KCNB2: variants seen among roughly 807,000 people sequenced by gnomAD.
The protein encoded by KCNB2 is delayed rectifier potassium channel protein.
A neutral mutation model predicts 61.5 loss-of-function variants in KCNB2; 15 were observed. The ratio of observed to expected loss-of-function variants is 0.24; its 90% CI spans 0.16 to 0.38. The LOEUF (loss-of-function observed/expected upper bound fraction) is 0.38. Ranked by LOEUF, KCNB2 falls within the 10% of genes least tolerant of loss-of-function variation. The pLI is 1.00. For synonymous variants in KCNB2, 457 were observed against 446.0 expected (o/e 1.02, Z -0.31); for missense variants, 828 against 1,125.2 (o/e 0.74, Z 3.78).
intron 2 of KCNB2, among the ~76,000 whole-genome samples, chr8:72,847,776 C>T (rs1007815274): frequency 2.0e-5 from 3 of 152,254 alleles, no homozygotes; most frequent in Non-Finnish European, 2.9e-5. Flanking sequence ...CAAATATATT[C>T]ACCATAATAT....
chr8:72,682,875 G>A (rs1440305187), intron 2 of KCNB2, among the ~76,000 whole-genome samples: 1 of 152,138 alleles, frequency 6.6e-6, no homozygotes, highest in African/African-American at 2.4e-5. Flanking sequence ...CCAAAGTGCT[G>A]GAATTATAGG....
intron 2 of KCNB2, among the ~76,000 whole-genome samples, chr8:72,773,310 C>T (rs2255511): frequency 0.35 from 52,609 of 152,028 alleles, 9,535 homozygotes; most frequent in African/African-American, 0.45. Flanking sequence ...TGTCTTCCCC[C>T]ATGTGGTGAA....
chr8:72,840,389 A>G (rs1191392149), intron 2 of KCNB2, among the ~76,000 whole-genome samples: 1 of 152,184 alleles, frequency 6.6e-6, no homozygotes, highest in Non-Finnish European at 1.5e-5. Flanking sequence ...ATGTGTCTTT[A>G]TAGTAGAATG....
intron 2 of KCNB2, among the ~76,000 whole-genome samples, chr8:72,715,150 G>A (rs1403195077): frequency 6.6e-6 from 1 of 152,176 alleles, no homozygotes; most frequent in Non-Finnish European, 1.5e-5. Flanking sequence ...GGAGCACGCA[G>A]ATTCGTAAAG....
intron 2 of KCNB2, among the ~76,000 whole-genome samples, chr8:72,848,873 G>A (rs187818298): frequency 6.6e-6 from 1 of 151,678 alleles, no homozygotes; most frequent in Non-Finnish European, 1.5e-5. Flanking sequence ...CTACCGTCAA[G>A]GAGCTTACAA....
chr8:72,558,602 A>G (rs1806463405), intron 1 of KCNB2, among the ~76,000 whole-genome samples: 1 of 152,192 alleles, frequency 6.6e-6, no homozygotes, highest in Admixed American at 6.5e-5. Flanking sequence ...TTTTAAATAA[A>G]TAAGGAAGGA....
At chr8:72,614,449 T>C (rs1563539065) in intron 2 of KCNB2, among the ~76,000 whole-genome samples, 1 of 152,184 alleles carries the variant, frequency 6.6e-6, no homozygotes, top group Non-Finnish European at 1.5e-5. Context: ...AATTGGAAAC[T>C]CAATTTCTTG....
intron 2 of KCNB2, among the ~76,000 whole-genome samples, chr8:72,922,816 G>T (rs964407624): frequency 6.6e-6 from 1 of 152,118 alleles, no homozygotes; most frequent in East Asian, 1.9e-4. Context: ...TCTGAAACAG[G>T]TCTCAATCAA....
chr8:72,772,016 G>A (rs547185563), intron 2 of KCNB2, among the ~76,000 whole-genome samples: 34 of 152,242 alleles, frequency 2.2e-4, no homozygotes, highest in African/African-American at 7.5e-4. Flanking sequence ...GAGTCAGGAA[G>A]AAAGCTAAGA....
intron 1 of KCNB2, among the ~76,000 whole-genome samples, chr8:72,552,631 T>C (rs1806361866): frequency 6.6e-6 from 1 of 152,202 alleles, no homozygotes; most frequent in Non-Finnish European, 1.5e-5. Flanking sequence ...TGTATAAACA[T>C]GTAAGCAATC....
chr8:72,778,466 G>A lies in KCNB2; in HGVS notation c.580-157469G>A, dbSNP rs147723799. Among the ~76,000 whole-genome samples, 25 of 151,850 alleles carry A rather than the reference G, an allele frequency of 1.6e-4. No homozygotes were observed. In the East Asian group the frequency reaches 3.9e-3, roughly 24 times the overall value. ...CTAGAAATTTTTCTGGGCCAGGCAC[G>A]GTGGCTCACATCTGTAATCCCAGCC... On this transcript the variant is annotated intron_variant, in intron 2 of 2. Coordinates refer to ENST00000523207, the MANE Select transcript of KCNB2 (RefSeq NM_004770.3).
chr8:72,836,189 C>G (rs1333318661), intron 2 of KCNB2, among the ~76,000 whole-genome samples: 3 of 152,204 alleles, frequency 2.0e-5, no homozygotes, highest in Non-Finnish European at 2.9e-5. Flanking sequence ...AAAAGGTTCA[C>G]TGCAGAGATG....
At position 72,892,992 on chromosome 8, in the gene KCNB2, G is replaced by T. The variant is rs147719202; in HGVS notation, c.580-42943G>T. Among the ~76,000 whole-genome samples the T allele has an allele frequency of 7.1e-3, 1,079 of 151,988 alleles. 9 individuals are homozygous for T. The highest frequency in any genetic ancestry group is 0.035 in the South Asian group (170 of 4,820). ...ACCCTTGGGAATATTTAATGATTTTGTCCTGGACTACTGCACAGTGAGAAA... is the reference window on the plus strand; with the variant it reads ...ACCCTTGGGAATATTTAATGATTTTTTCCTGGACTACTGCACAGTGAGAAA... On this transcript the variant is annotated intron_variant, in intron 2 of 2. Coordinates refer to ENST00000523207, the MANE Select transcript of KCNB2 (RefSeq NM_004770.3).
intron 2 of KCNB2, among the ~76,000 whole-genome samples, chr8:72,916,643 A>T (rs1047515415): frequency 6.6e-6 from 1 of 152,188 alleles, no homozygotes; most frequent in Admixed American, 6.5e-5. Flanking sequence ...CCAAGTTCTT[A>T]TCTGGCATCC....
At chr8:72,601,100 A>G (rs1044380919) in intron 2 of KCNB2, among the ~76,000 whole-genome samples, 2 of 152,154 alleles carry the variant, frequency 1.3e-5, no homozygotes, top group African/African-American at 4.8e-5. Flanking sequence ...GGGTATCAGC[A>G]AACTTGTTCA....
At chr8:72,769,779 G>A (rs1808531017) in intron 2 of KCNB2, among the ~76,000 whole-genome samples, 1 of 152,200 alleles carries the variant, frequency 6.6e-6, no homozygotes. Context: ...GAATTTCTGG[G>A]AGGTTGCTAA....
intron 2 of KCNB2, among the ~76,000 whole-genome samples, chr8:72,712,488 T>A (rs945279281): frequency 6.6e-6 from 1 of 152,208 alleles, no homozygotes; most frequent in Non-Finnish European, 1.5e-5. Context: ...AGTTGGATAA[T>A]GTGGTTTTCT....
At chr8:72,815,630 G>A (rs1809384759) in intron 2 of KCNB2, among the ~76,000 whole-genome samples, 1 of 152,118 alleles carries the variant, frequency 6.6e-6, no homozygotes, top group African/African-American at 2.4e-5. Context: ...ACTTTCCTTA[G>A]TCCTTCACTG....
rs543128209 is a variant in KCNB2, at chr8:72,705,280, C to G, written c.579+136967C>G. On this transcript the variant is annotated intron_variant, in intron 2 of 2. Coordinates refer to ENST00000523207, the MANE Select transcript of KCNB2 (RefSeq NM_004770.3). Reference sequence around the variant, plus strand: ...CTGGAACGTTTTTCTTGAGATGGCCCCTCTCTGTTGCATACAGGCTTAATA... The same window carrying G: ...CTGGAACGTTTTTCTTGAGATGGCCGCTCTCTGTTGCATACAGGCTTAATA... Among the ~76,000 whole-genome samples the G allele has an allele frequency of 8.2e-4, 125 of 152,260 alleles. 1 individual carries two copies. Among genetic ancestry groups the G allele is most frequent in the Non-Finnish European group, 1.5e-3 (102 of 68,018 alleles).
Sources: gnomAD v4.1 joint callset for allele counts (sites outside exome capture counted in the v4.1 genomes callset) on GRCh38, gnomAD v4.1.1 for gene constraint, MANE v1.5 for transcripts, NCBI Gene and HGNC (gene_info 2026-07-23, HGNC 2026-07-21) for gene names.